The following PCDH15 variants were observed in gnomAD, a reference collection of about 807,000 sequenced individuals.
The protein encoded by PCDH15 is protocadherin related 15.
Under a neutral mutation model 178.5 loss-of-function variants are expected in PCDH15, and 129 were observed. The observed-to-expected ratio is 0.72, with a 90% CI of 0.63 to 0.84. The LOEUF is 0.84. Among genes scored for constraint, PCDH15 ranks in the 40% least tolerant of loss-of-function variants. PCDH15 has a pLI of 0.00. For missense variants in PCDH15, 2,230 were observed against 2,099.9 expected, an observed-to-expected ratio of 1.06 and a Z score of -1.21; for synonymous variants, 800 against 732.0, an observed-to-expected ratio of 1.09 and a Z score of -1.50.
chr10:54,380,721 T>TACAC (rs1465592307), intron 3 of PCDH15, among the ~76,000 whole-genome samples: 12 of 103,240 alleles, frequency 1.2e-4, no homozygotes, highest in African/African-American at 4.0e-4. Flanking sequence ...TATATATATA[T>TACAC]ATATATATAT....
chr10:54,089,760 T>C (rs1482438657), intron 16 of PCDH15, among the ~76,000 whole-genome samples: 8 of 152,292 alleles, frequency 5.3e-5, no homozygotes, highest in South Asian at 4.1e-4. Flanking sequence ...ATGAAATGTT[T>C]CCACCTCAGT....
chr10:53,900,209 TTCTCTC>T (rs5785026), intron 26 of PCDH15, among the ~76,000 whole-genome samples: 35 of 144,462 alleles, frequency 2.4e-4, no homozygotes, highest in South Asian at 6.6e-4. Context: ...TCTCTAAACT[TTCTCTC>T]TCTCTCTCTC....
At chr10:53,944,308 G>T (rs2086340800) in intron 23 of PCDH15, among the ~76,000 whole-genome samples, 1 of 152,094 alleles carries the variant, frequency 6.6e-6, no homozygotes, top group African/African-American at 2.4e-5. Flanking sequence ...TTTTAAAGCA[G>T]ATTAACTATC....
chr10:54,600,066 C>A, intron 2 of PCDH15: 1 of 1,174,336 alleles, frequency 8.5e-7, no homozygotes, highest in Non-Finnish European at 1.2e-6. Context: ...AAAAGGAAAT[C>A]GAGGAAGCTC....
At chr10:53,851,695 T>TA (rs2078376663) in intron 28 of PCDH15, among the ~76,000 whole-genome samples, 1 of 38,300 alleles carries the variant, frequency 2.6e-5, no homozygotes, top group Non-Finnish European at 4.9e-5. Flanking sequence ...TATATATATA[T>TA]ATATATATAT....
At chr10:54,805,670 A>G (rs560577892), upstream of PCDH15, among the ~76,000 whole-genome samples, 1 of 152,226 alleles carries the variant, frequency 6.6e-6, no homozygotes, top group Non-Finnish European at 1.5e-5. Flanking sequence ...AAGGAACAGT[A>G]TAATCTTTAT....
At chr10:55,467,373 C>CTTTT (rs59787759) in intron 2 of PCDH15, among the ~76,000 whole-genome samples, 1 of 87,766 alleles carries the variant, frequency 1.1e-5, no homozygotes, top group African/African-American at 3.8e-5. Context: ...CTTGGCCTGA[C>CTTTT]TTTTTTTTTT....
chr10:54,745,874 AAAG>A (rs1248459283), intron 1 of PCDH15, among the ~76,000 whole-genome samples: 2 of 152,320 alleles, frequency 1.3e-5, no homozygotes, highest in African/African-American at 4.8e-5. Flanking sequence ...GAATTTTAGA[AAAG>A]AATATACTTT....
chr10:54,043,124 T>C (rs912648942), intron 18 of PCDH15, among the ~76,000 whole-genome samples: 1 of 152,118 alleles, frequency 6.6e-6, no homozygotes, highest in African/African-American at 2.4e-5. Context: ...GGGAGCCTGG[T>C]TTAATGCCAT....
chr10:54,877,096 T>C (rs1384337308), intron 3 of PCDH15, among the ~76,000 whole-genome samples: 4 of 152,190 alleles, frequency 2.6e-5, no homozygotes, highest in African/African-American at 9.6e-5. Context: ...TACCTTCCAA[T>C]GACAAAAAGA....
chr10:54,074,649 T>C (rs1590251551), intron 17 of PCDH15, among the ~76,000 whole-genome samples: 1 of 152,198 alleles, frequency 6.6e-6, no homozygotes, highest in African/African-American at 2.4e-5. Flanking sequence ...ATAATGCTGC[T>C]ATGAACATGG....
At chr10:53,820,302 C>T (rs1033105456) in intron 32 of PCDH15, 72 bp from the exon 33 acceptor site, 33 of 395,498 alleles carry the variant, frequency 8.3e-5, no homozygotes, top group East Asian at 6.1e-4. Context: ...CTCTTGATTT[C>T]GATGAAAAGA....
intron 3 of PCDH15, among the ~76,000 whole-genome samples, chr10:54,520,229 A>C (rs1246145069): frequency 1.3e-5 from 2 of 152,224 alleles, no homozygotes; most frequent in African/African-American, 2.4e-5. Flanking sequence ...TAATTAAACT[A>C]AAGAGCTTCT....
chr10:54,268,790 G>C (rs948279213), intron 8 of PCDH15, among the ~76,000 whole-genome samples: 2 of 151,800 alleles, frequency 1.3e-5, no homozygotes, highest in Admixed American at 6.6e-5. Context: ...TACACACACA[G>C]AGAACAATTT....
intron 8 of PCDH15, among the ~76,000 whole-genome samples, chr10:54,242,173 T>TATAC (rs2055443251): frequency 9.9e-6 from 1 of 100,920 alleles, no homozygotes; most frequent in African/African-American, 4.1e-5. Context: ...TATATATATA[T>TATAC]ATATATATAT....
chr10:55,093,526 T>C (rs1245958110), intron 2 of PCDH15, among the ~76,000 whole-genome samples: 3 of 152,136 alleles, frequency 2.0e-5, no homozygotes, highest in Non-Finnish European at 4.4e-5. Flanking sequence ...CCATTGCTTT[T>C]GGTGTTTTAG....
intron 10 of PCDH15, among the ~76,000 whole-genome samples, chr10:54,207,548 C>T (rs968868255): frequency 2.0e-5 from 3 of 151,994 alleles, no homozygotes; most frequent in Non-Finnish European, 4.4e-5. Flanking sequence ...GCTTCTACAT[C>T]CTCTGTGATG....
intron 2 of PCDH15, among the ~76,000 whole-genome samples, chr10:55,435,065 C>T (rs748634804): frequency 6.6e-6 from 1 of 151,926 alleles, no homozygotes; most frequent in Non-Finnish European, 1.5e-5. Context: ...AAGTTTTAGT[C>T]AGGGAAAGAA....
At chr10:54,457,140 T>C (rs1417312725) in intron 3 of PCDH15, among the ~76,000 whole-genome samples, 1 of 152,148 alleles carries the variant, frequency 6.6e-6, no homozygotes, top group African/African-American at 2.4e-5. Flanking sequence ...CTAAGACTTC[T>C]ATAAATCATG....
Sources: gnomAD v4.1 joint callset for allele counts (sites outside exome capture counted in the v4.1 genomes callset) on GRCh38, gnomAD v4.1.1 for gene constraint, MANE v1.5 for transcripts, NCBI Gene and HGNC (gene_info 2026-07-23, HGNC 2026-07-21) for gene names.